TSPAN9: variants seen among roughly 807,000 people sequenced by gnomAD.
TSPAN9 encodes the protein tetraspanin-9.
In TSPAN9, 16 loss-of-function variants were observed where a neutral mutation model predicts 31.0. The observed-to-expected ratio is 0.52, with a 90% confidence interval of 0.35 to 0.78. The LOEUF is 0.78. Ranked by LOEUF, TSPAN9 falls within the 30% of genes least tolerant of loss-of-function variation. TSPAN9 has a pLI of 0.01. For synonymous variants in TSPAN9, 145 were observed against 121.6 expected, an observed-to-expected ratio of 1.19 and a Z score of -1.27; for missense variants, 272 against 312.5, an observed-to-expected ratio of 0.87 and a Z score of 0.98.
intron 3 of TSPAN9, among the ~76,000 whole-genome samples, chr12:3,255,181 G>T (rs1351542177): frequency 2.0e-5 from 3 of 152,236 alleles, no homozygotes; most frequent in Non-Finnish European, 2.9e-5. Context: ...AGTCAACCTT[G>T]GGCCTTCCGG....
At chr12:3,252,262 C>T (rs1862256803) in intron 3 of TSPAN9, among the ~76,000 whole-genome samples, 1 of 152,204 alleles carries the variant, frequency 6.6e-6, no homozygotes, top group Admixed American at 6.5e-5. Context: ...GCTGGTGTGG[C>T]CAGGGAGAGG....
At chr12:3,097,095 G>C (rs2098309478) in intron 2 of TSPAN9, among the ~76,000 whole-genome samples, 1 of 152,182 alleles carries the variant, frequency 6.6e-6, no homozygotes, top group African/African-American at 2.4e-5. Flanking sequence ...CCATTGCTCA[G>C]AATTTCATGC....
chr12:3,218,041 A>G (rs2098382259), intron 3 of TSPAN9, among the ~76,000 whole-genome samples: 1 of 152,046 alleles, frequency 6.6e-6, no homozygotes. Flanking sequence ...TGAGTTTTGC[A>G]TGGGATAATG....
chr12:3,156,195 G>A (rs1162513637), intron 2 of TSPAN9, among the ~76,000 whole-genome samples: 4 of 152,152 alleles, frequency 2.6e-5, no homozygotes, highest in Non-Finnish European at 4.4e-5. Flanking sequence ...TGCACCTTTG[G>A]CATTTGATGA....
intron 1 of TSPAN9, among the ~76,000 whole-genome samples, chr12:3,079,391 C>A (rs1285691159): frequency 6.6e-6 from 1 of 152,230 alleles, no homozygotes. Flanking sequence ...AAAACTTGAA[C>A]CCTGGCTTCT....
At chr12:3,208,486 G>A (rs1207836209) in intron 3 of TSPAN9, among the ~76,000 whole-genome samples, 1 of 152,212 alleles carries the variant, frequency 6.6e-6, no homozygotes, top group Non-Finnish European at 1.5e-5. Flanking sequence ...GGGGTGACAA[G>A]TGGGGCCTGG....
intron 2 of TSPAN9, among the ~76,000 whole-genome samples, chr12:3,189,811 G>A (rs1208318166): frequency 2.0e-5 from 3 of 152,148 alleles, no homozygotes; most frequent in Non-Finnish European, 2.9e-5. Context: ...GAGAGATGGA[G>A]TGAGACGACA....
chr12:3,278,016 C>T (rs962361667), intron 3 of TSPAN9, among the ~76,000 whole-genome samples: 2 of 152,230 alleles, frequency 1.3e-5, no homozygotes, highest in African/African-American at 4.8e-5. Flanking sequence ...TTTCCTGACC[C>T]CAGTTCTCCC....
chr12:3,222,027 CAA>C (rs2098384841), intron 3 of TSPAN9, among the ~76,000 whole-genome samples: 1 of 152,190 alleles, frequency 6.6e-6, no homozygotes, highest in Admixed American at 6.5e-5. Flanking sequence ...GAACACGGGA[CAA>C]GAGTGTATTG....
In TSPAN9 at chr12:3,211,844, A is replaced by G. The variant is rs546309725; in HGVS notation, c.63+10588A>G. 1.7e-4 allele frequency: 268 copies of G among 1,594,732 alleles called. No individual in the cohort carries two copies. In the East Asian group the frequency reaches 4.0e-3, roughly 24 times the overall value. On this transcript the variant is annotated intron_variant, in intron 3 of 8. Transcript: ENST00000011898. ...CATGAAGTAGGAATTGGGGCTCTGC[A>G]CCAGGCGTTTCTTCTTGTGTTTCCT...
Position 3,187,353 on chromosome 12 carries a change from C to T in TSPAN9, c.-17-13824C>T, listed in dbSNP as rs749094880. On this transcript the variant is annotated intron_variant, in intron 2 of 8. Transcript: ENST00000011898. The surrounding 1 kb of genome is among the most constrained non-coding windows in gnomAD (Gnocchi z 5.2). ...AATCCTAAATGCATGAGTGTCCTCTCAGCCTGCTTCCTTCCTTCCTCTGCC... is the reference window on the plus strand; with the variant it reads ...AATCCTAAATGCATGAGTGTCCTCTTAGCCTGCTTCCTTCCTTCCTCTGCC... 1.3e-5 allele frequency among the ~76,000 whole-genome samples: 2 copies of T among 152,186 alleles called. No homozygotes were observed. Among genetic ancestry groups the T allele is most frequent in the Admixed American group, 6.5e-5 (1 of 15,290 alleles).
chr12:3,258,282 G>T (rs1435456617), intron 3 of TSPAN9, among the ~76,000 whole-genome samples: 1 of 152,212 alleles, frequency 6.6e-6, no homozygotes, highest in Non-Finnish European at 1.5e-5. Flanking sequence ...CAGGCTCTGG[G>T]GGTTCAAGAA....
At chr12:3,206,225 T>A in intron 3 of TSPAN9, 1 of 436,922 alleles carries the variant, frequency 2.3e-6, no homozygotes, top group African/African-American at 2.0e-5. Context: ...GGGGTCCCAG[T>A]TGGGTCCATT....
chr12:3,105,943 C>T (rs1000132034), intron 2 of TSPAN9, among the ~76,000 whole-genome samples: 2 of 152,036 alleles, frequency 1.3e-5, no homozygotes, highest in East Asian at 1.9e-4. Flanking sequence ...CACTCATCAC[C>T]GCCTCCCTTA....
At chr12:3,096,839 C>T (rs1393834671) in intron 2 of TSPAN9, among the ~76,000 whole-genome samples, 1 of 152,064 alleles carries the variant, frequency 6.6e-6, no homozygotes, top group Admixed American at 6.6e-5. Flanking sequence ...ACTACAGGTG[C>T]CCGCCACCAC....
At chr12:3,246,838 G>A (rs1452626969) in intron 3 of TSPAN9, among the ~76,000 whole-genome samples, 1 of 152,216 alleles carries the variant, frequency 6.6e-6, no homozygotes, top group East Asian at 1.9e-4. Context: ...TAGGACCAGG[G>A]GGGAAGACAT....
At chr12:3,200,410 C>T (rs897947654) in intron 2 of TSPAN9, 2 of 152,330 alleles carry the variant, frequency 1.3e-5, no homozygotes, top group East Asian at 1.9e-4. Context: ...CGCCGCGCGC[C>T]GGGGCAGCCC....
At chr12:3,156,757 C>G (rs146354745) in intron 2 of TSPAN9, among the ~76,000 whole-genome samples, 1,911 of 152,274 alleles carry the variant, frequency 0.013, 41 homozygotes, top group African/African-American at 0.043. Context: ...ATCTGCCCTC[C>G]TCAGCCTCCC....
intron 2 of TSPAN9, among the ~76,000 whole-genome samples, chr12:3,119,243 C>G (rs552036801): frequency 6.6e-6 from 1 of 152,298 alleles, no homozygotes; most frequent in East Asian, 1.9e-4. Flanking sequence ...TTTGAATAAC[C>G]AGCAGTTCCT....
Sources: allele counts gnomAD v4.1 joint callset (sites outside exome capture counted in the v4.1 genomes callset), GRCh38; gene constraint gnomAD v4.1.1; non-coding constraint Gnocchi (gnomAD v3.1); transcripts MANE v1.5; gene names NCBI Gene and HGNC (gene_info 2026-07-23, HGNC 2026-07-21).